Variants in EXOC4 observed in about 807,000 individuals in gnomAD.
EXOC4 encodes the protein SEC8-like 1.
EXOC4 carries 71 observed loss-of-function variants against 107.2 expected under a neutral mutation model. The ratio of observed to expected loss-of-function variants is 0.66; its 90% confidence interval spans 0.55 to 0.81. The LOEUF is 0.81. Ranked by LOEUF, EXOC4 falls within the 30% of genes least tolerant of loss-of-function variation. The probability of loss-of-function intolerance (pLI) is 0.00; values close to 1 mark genes in which losing one functional copy is unlikely to be tolerated. For synonymous variants in EXOC4, 456 were observed against 441.2 expected, an observed-to-expected ratio of 1.03 and a Z score of -0.42; for missense variants, 1,108 against 1,189.6, an observed-to-expected ratio of 0.93 and a Z score of 1.01.
chr7:133,747,980 T>C (rs1167633689), intron 10 of EXOC4, among the ~76,000 whole-genome samples: 1 of 152,182 alleles, frequency 6.6e-6, no homozygotes, highest in African/African-American at 2.4e-5. Flanking sequence ...TCTCATTAGC[T>C]TTTTGCTCCC....
At chr7:133,756,625 A>G (rs756479359) in intron 10 of EXOC4, among the ~76,000 whole-genome samples, 2 of 152,342 alleles carry the variant, frequency 1.3e-5, no homozygotes, top group South Asian at 2.1e-4. Context: ...ATAATGTTTC[A>G]TGCAATACCA....
chr7:133,399,672 A>T (rs1797047172), intron 7 of EXOC4, among the ~76,000 whole-genome samples: 5 of 152,214 alleles, frequency 3.3e-5, no homozygotes. Context: ...ACTGTTGGAC[A>T]TCACAGGAGC....
intron 4 of EXOC4, among the ~76,000 whole-genome samples, 200 bp downstream of exon 4, chr7:133,306,261 A>G (rs1048534461): frequency 2.7e-4 from 41 of 152,222 alleles, no homozygotes; most frequent in African/African-American, 6.0e-4. Flanking sequence ...CATTCATTCT[A>G]CATTTATTAT....
the EXOC4 span, among the ~76,000 whole-genome samples, chr7:134,088,818 T>C: frequency 5.9e-5 from 9 of 152,178 alleles, no homozygotes; most frequent in Non-Finnish European, 1.2e-4. Context: ...TGGCATACAG[T>C]GATTTTATGT....
chr7:133,869,438 C>A (rs1339359818), intron 11 of EXOC4, among the ~76,000 whole-genome samples: 1 of 152,060 alleles, frequency 6.6e-6, no homozygotes, highest in Non-Finnish European at 1.5e-5. Context: ...CATGTGAGGA[C>A]TAAATGAGAT....
intron 9 of EXOC4, among the ~76,000 whole-genome samples, chr7:133,543,770 G>A (rs923342842): frequency 1.3e-5 from 2 of 152,100 alleles, no homozygotes; most frequent in African/African-American, 2.4e-5. Context: ...TCCTCAAACT[G>A]AAGCATCCAT....
At chr7:133,671,247 A>G (rs542060136) in intron 10 of EXOC4, among the ~76,000 whole-genome samples, 2 of 127,640 alleles carry the variant, frequency 1.6e-5, no homozygotes, top group Admixed American at 1.5e-4. Context: ...GAGGGCTGTC[A>G]TAATCTGCTT....
intron 17 of EXOC4, among the ~76,000 whole-genome samples, chr7:134,035,753 A>AG (rs1419361038): frequency 1.3e-5 from 2 of 152,116 alleles, no homozygotes; most frequent in Non-Finnish European, 2.9e-5. Flanking sequence ...TCCTTCCTTA[A>AG]GGTGTGTTGG....
At chr7:134,087,725 A>G in the EXOC4 span, among the ~76,000 whole-genome samples, 20 of 152,308 alleles carry the variant, frequency 1.3e-4, no homozygotes, top group East Asian at 3.5e-3. Context: ...AGTCTTAATT[A>G]CAGGAAATAA....
intron 14 of EXOC4, among the ~76,000 whole-genome samples, chr7:133,978,559 A>G (rs905433496): frequency 6.6e-6 from 1 of 152,274 alleles, no homozygotes; most frequent in Non-Finnish European, 1.5e-5. Flanking sequence ...TCAAGCAAGA[A>G]GGAATTTAAT....
chr7:133,537,570 C>T (rs1051281453), intron 9 of EXOC4, among the ~76,000 whole-genome samples: 5 of 152,062 alleles, frequency 3.3e-5, no homozygotes, highest in East Asian at 3.9e-4. Flanking sequence ...ATTTTCTTGC[C>T]GAGAGAAAAG....
intron 11 of EXOC4, among the ~76,000 whole-genome samples, chr7:133,828,685 C>T (rs1461951045): frequency 6.6e-6 from 1 of 152,180 alleles, no homozygotes; most frequent in Non-Finnish European, 1.5e-5. Context: ...CTCAGATGGG[C>T]TGGTGAAACC....
intron 9 of EXOC4, among the ~76,000 whole-genome samples, chr7:133,486,922 A>G (rs1191164954): frequency 1.3e-5 from 2 of 152,200 alleles, no homozygotes; most frequent in Non-Finnish European, 2.9e-5. Flanking sequence ...AGATTGCATT[A>G]TTTCAAATCA....
intron 17 of EXOC4, among the ~76,000 whole-genome samples, chr7:134,043,018 G>A (rs1035749909): frequency 6.6e-6 from 1 of 152,202 alleles, no homozygotes; most frequent in Non-Finnish European, 1.5e-5. Context: ...TCCAGCCTGG[G>A]TGACAGATTA....
At chr7:134,041,982 G>C (rs1386302122) in intron 17 of EXOC4, among the ~76,000 whole-genome samples, 1 of 152,140 alleles carries the variant, frequency 6.6e-6, no homozygotes, top group African/African-American at 2.4e-5. Context: ...TGTGCAGGTA[G>C]GTAGTACAGG....
intron 6 of EXOC4, among the ~76,000 whole-genome samples, chr7:133,362,544 G>T (rs1001244681): frequency 1.3e-5 from 2 of 152,010 alleles, no homozygotes; most frequent in Non-Finnish European, 2.9e-5. Flanking sequence ...TCAGAAATAC[G>T]TTGAATTATT....
intron 9 of EXOC4, among the ~76,000 whole-genome samples, chr7:133,522,838 A>G (rs753558762): frequency 2.0e-5 from 3 of 152,318 alleles, no homozygotes; most frequent in Admixed American, 6.5e-5. Flanking sequence ...GTGGGTGACT[A>G]GAATGAAATG....
intron 17 of EXOC4, among the ~76,000 whole-genome samples, chr7:134,053,232 C>G (rs10249719): frequency 0.18 from 26,743 of 148,444 alleles, 2,807 homozygotes; most frequent in African/African-American, 0.28. Context: ...AGCGAAACTC[C>G]ATCTCAAAAA....
chr7:133,427,756 TTTC>T (rs1197426383), intron 7 of EXOC4, among the ~76,000 whole-genome samples: 3 of 152,196 alleles, frequency 2.0e-5, no homozygotes, highest in Non-Finnish European at 2.9e-5. Context: ...GGCCAAATAT[TTTC>T]TTCTTGTATT....
Sources: allele counts gnomAD v4.1 joint callset (sites outside exome capture counted in the v4.1 genomes callset), GRCh38; gene constraint gnomAD v4.1.1; transcripts MANE v1.5; gene names NCBI Gene and HGNC (gene_info 2026-07-23, HGNC 2026-07-21).